RND3: variants seen among roughly 807,000 people sequenced by gnomAD.
The protein encoded by RND3 is Rho family GTPase 3.
Under a neutral mutation model 26.5 loss-of-function variants are expected in RND3, and 8 were observed. The ratio of observed to expected loss-of-function variants is 0.30; its 90% CI spans 0.18 to 0.54. The LOEUF is 0.54. Ranked by LOEUF, RND3 falls within the 20% of genes least tolerant of loss-of-function variation. The pLI is 0.94. For missense variants in RND3, 207 were observed against 302.8 expected (o/e 0.68, Z 2.35); for synonymous variants, 113 against 113.0 (o/e 1.00, Z 0.00).
At chr2:150,485,428 C>G (rs956414362) in intron 3 of RND3, 12 of 152,346 alleles carry the variant, frequency 7.9e-5, no homozygotes, top group African/African-American at 2.9e-4. Context: ...CACGAGGCCA[C>G]TCCCCGCTGG....
rs1433753210 is a variant in RND3, at chr2:150,468,624, C to T, written c.*1363G>A. The T allele has an allele frequency of 2.0e-5, 3 of 152,624 alleles. No homozygotes were observed. The highest frequency in any genetic ancestry group is 2.4e-5 in the African/African-American group (1 of 41,446). The allele number at this position is 152,624 out of a possible 1,614,324, so 9.5% of individuals were successfully genotyped here. ...AAGCACTATCATGGGAAAGAAAGCTCGTTTTCAACAAGCGCCAACAATAAA... is the reference window on the plus strand; with the variant it reads ...AAGCACTATCATGGGAAAGAAAGCTTGTTTTCAACAAGCGCCAACAATAAA... On this transcript the variant is annotated 3_prime_UTR_variant, in exon 6 of 6. Transcript: ENST00000263895.
chr2:150,471,590 T>C (rs1686088679), intron 5 of RND3, 37 bp downstream of exon 5: 2 of 1,540,054 alleles, frequency 1.3e-6, no homozygotes, highest in Non-Finnish European at 1.8e-6. Context: ...TTTCACTCTT[T>C]CTAAAATCCA....
Position 150,469,945 on chromosome 2 carries a change from T to A in RND3, c.*42A>T. On this transcript the variant is annotated 3_prime_UTR_variant, in exon 6 of 6. Coordinates refer to ENST00000263895, the MANE Select transcript of RND3 (RefSeq NM_005168.5). ...TCACCTTTTTGTTTGCTGTTGTTTT[T>A]TACACTAGATTCCTTTGTCTTCATT... 6.2e-7 allele frequency: 1 copy of A among 1,603,590 alleles called. No individual in the cohort carries two copies. Among genetic ancestry groups the A allele is most frequent in the Non-Finnish European group, 8.5e-7 (1 of 1,173,422 alleles).
At chr2:150,481,100 G>A (rs1465412029) in intron 3 of RND3, among the ~76,000 whole-genome samples, 2 of 152,216 alleles carry the variant, frequency 1.3e-5, no homozygotes, top group Non-Finnish European at 2.9e-5. Flanking sequence ...CTAAATGTAA[G>A]CGAGTTTCCA....
At chr2:150,470,694 A>C (rs1286114492) in intron 5 of RND3, among the ~76,000 whole-genome samples, 39 of 152,102 alleles carry the variant, frequency 2.6e-4, no homozygotes, top group Admixed American at 2.4e-3. Flanking sequence ...CTTACTAGTG[A>C]AGTAAGTTAG....
At chr2:150,480,656 T>TAA (rs35180203) in intron 3 of RND3, among the ~76,000 whole-genome samples, 29 of 148,338 alleles carry the variant, frequency 2.0e-4, no homozygotes, top group South Asian at 2.1e-4. Context: ...TAAATGCGGC[T>TAA]AAAAAAAAAA....
At chr2:150,474,140 G>A (rs1453243244) in intron 4 of RND3, among the ~76,000 whole-genome samples, 2 of 152,120 alleles carry the variant, frequency 1.3e-5, no homozygotes, top group African/African-American at 4.8e-5. Context: ...GTCAAGAAAC[G>A]CCCCTTCCTC....
intron 3 of RND3, among the ~76,000 whole-genome samples, chr2:150,482,112 T>C (rs1161726552): frequency 2.6e-5 from 4 of 152,244 alleles, no homozygotes; most frequent in Admixed American, 2.6e-4. Context: ...CGAAAGAGTG[T>C]TCATGAGGCA....
chr2:150,472,059 T>C, intron 4 of RND3: 1 of 306,248 alleles, frequency 3.3e-6, no homozygotes, highest in South Asian at 3.9e-5. Context: ...GCTTCAATAA[T>C]GTCTTAATTA....
chr2:150,471,825 C>G, intron 4 of RND3, 64 bp from the exon 5 acceptor site: 1 of 1,320,028 alleles, frequency 7.6e-7, no homozygotes, highest in Non-Finnish European at 1.1e-6. Context: ...TCATGAAAAC[C>G]ATTTCTCCAC....
chr2:150,471,644 G>T lies in RND3; in HGVS notation c.466C>A (p.Pro156Thr), dbSNP rs778398680. Reference sequence around the variant, plus strand: ...ATACATACCTGGTCATAGGACACTGGCGTCTGCCTGTGATTGGAGAGCTCT... The same window carrying T: ...ATACATACCTGGTCATAGGACACTGTCGTCTGCCTGTGATTGGAGAGCTCT... ...LVELSNHRQT[P>T]VSYDQGANMA... Residue 156 changes from proline (P) to threonine (T), a missense_variant, in exon 5 of 6, where the codon CCA (proline) becomes ACA (threonine). Transcript: ENST00000263895. 2 of 1,611,972 alleles carry T rather than the reference G, an allele frequency of 1.2e-6. No individual in the cohort carries two copies. Among genetic ancestry groups the T allele is most frequent in the Non-Finnish European group, 1.7e-6 (2 of 1,179,262 alleles).
rs749847768 is a variant in RND3 at position 150,471,645 on chromosome 2, C to T, written c.465G>A (p.Thr155=). 14 of 1,612,332 alleles carry T rather than the reference C, an allele frequency of 8.7e-6. No homozygotes were observed. The highest frequency in any genetic ancestry group is 5.3e-5 in the African/African-American group (4 of 74,816). The change falls in exon 5 of 6, where the codon ACG becomes ACA. Residue 155 remains threonine, a synonymous_variant. Coordinates refer to ENST00000263895, the MANE Select transcript of RND3 (RefSeq NM_005168.5). ...TACATACCTGGTCATAGGACACTGG[C>T]GTCTGCCTGTGATTGGAGAGCTCTA... ...TLVELSNHRQ[T]PVSYDQGANM...
chr2:150,483,104 A>AT (rs897030075), intron 3 of RND3, among the ~76,000 whole-genome samples: 7 of 151,634 alleles, frequency 4.6e-5, no homozygotes, highest in Non-Finnish European at 8.8e-5. Flanking sequence ...GCAGGAAATT[A>AT]TTTTTTTTTC....
At chr2:150,475,519 C>T (rs757183336) in intron 3 of RND3, among the ~76,000 whole-genome samples, 1 of 152,136 alleles carries the variant, frequency 6.6e-6, no homozygotes, top group Non-Finnish European at 1.5e-5. Context: ...TAGCAAGAAC[C>T]ATAAACTGAA....
At chr2:150,471,416 G>A (rs577482618) in intron 5 of RND3, among the ~76,000 whole-genome samples, 8 of 152,308 alleles carry the variant, frequency 5.3e-5, no homozygotes, top group Admixed American at 3.3e-4. Flanking sequence ...CTACTGGGAG[G>A]TGCAGAAATA....
At chr2:150,470,625 A>G (rs1353807242) in intron 5 of RND3, among the ~76,000 whole-genome samples, 1 of 152,316 alleles carries the variant, frequency 6.6e-6, no homozygotes, top group South Asian at 2.1e-4. Flanking sequence ...TGCAAGCAAG[A>G]GTTAACTGGT....
chr2:150,472,552 T>C (rs1348437386), intron 4 of RND3, among the ~76,000 whole-genome samples: 1 of 152,188 alleles, frequency 6.6e-6, no homozygotes, highest in Non-Finnish European at 1.5e-5. Flanking sequence ...AAGCAGCTTT[T>C]TGTGGCTTCA....
intron 3 of RND3, among the ~76,000 whole-genome samples, chr2:150,484,954 C>T (rs1272977727): frequency 6.6e-6 from 1 of 152,224 alleles, no homozygotes; most frequent in Non-Finnish European, 1.5e-5. Context: ...ACCACACCAG[C>T]TGTGCCATCC....
intron 3 of RND3, among the ~76,000 whole-genome samples, chr2:150,477,255 T>C (rs1349994648): frequency 6.6e-6 from 1 of 152,158 alleles, no homozygotes; most frequent in Non-Finnish European, 1.5e-5. Context: ...TTTAGAGAAC[T>C]GTTCCAGGTG....
Sources: gnomAD v4.1 joint callset for allele counts (sites outside exome capture counted in the v4.1 genomes callset) on GRCh38, gnomAD v4.1.1 for gene constraint, MANE v1.5 for transcripts, NCBI Gene and HGNC (gene_info 2026-07-23, HGNC 2026-07-21) for gene names.